The following CEP85 variants were observed in gnomAD, a reference collection of about 807,000 sequenced individuals.
CEP85 encodes centrosomal protein 85.
CEP85 carries 58 observed loss-of-function variants against 93.7 expected under a neutral mutation model. That is an observed-to-expected ratio of 0.62 (90% CI 0.50 to 0.77). The LOEUF (loss-of-function observed/expected upper bound fraction) is 0.77, where lower values mean the gene tolerates loss of function less well. Ranked by LOEUF, CEP85 falls within the 30% of genes least tolerant of loss-of-function variation. The pLI, the probability that CEP85 is intolerant of heterozygous loss-of-function variation, is 0.00. For missense variants in CEP85, 868 were observed against 922.0 expected, an observed-to-expected ratio of 0.94 and a Z score of 0.76; for synonymous variants, 314 against 338.6, an observed-to-expected ratio of 0.93 and a Z score of 0.80.
Position 26,275,559 on chromosome 1 carries a change from G to A in CEP85, c.1902+488G>A, listed in dbSNP as rs554103563. Among the ~76,000 whole-genome samples the A allele has an allele frequency of 1.5e-3, 229 of 152,308 alleles. 1 individual carries two copies. Among genetic ancestry groups the A allele is most frequent in the Middle Eastern group, 0.014 (4 of 294 alleles). On this transcript the variant is annotated intron_variant, in intron 12 of 13. Coordinates refer to ENST00000451429, the MANE Select transcript of CEP85 (RefSeq NM_001319944.2). Reference sequence around the variant, plus strand: ...CTCCCAAAGTGCTGGGATTACAGTCGTGAGCCACTGCGCTGGGCCCAGGAA... The same window carrying A: ...CTCCCAAAGTGCTGGGATTACAGTCATGAGCCACTGCGCTGGGCCCAGGAA...
In CEP85 at chr1:26,269,693, CTT is replaced by C. The variant is rs1290673129; in HGVS notation, c.1649+81_1649+82del. On this transcript the variant is annotated intron_variant, in intron 9 of 13. Transcript: ENST00000451429. ...CCATCCTGCTCACTTACCTGTGTGACTTTGGGTGATTTGGGAAAATCATTTTA... is the reference window on the plus strand; with the variant it reads ...CCATCCTGCTCACTTACCTGTGTGACTGGGTGATTTGGGAAAATCATTTTA... 2.6e-6 allele frequency: 3 copies of C among 1,142,558 alleles called. No individual in the cohort carries two copies. The African/African-American group carries it at 4.7e-5, about 18-fold the overall frequency. 70.8% of individuals were successfully genotyped at this position (1,142,558 alleles called of 1,614,324 possible).
intron 3 of CEP85, among the ~76,000 whole-genome samples, chr1:26,246,557 A>G (rs543736007): frequency 6.6e-6 from 1 of 152,114 alleles, no homozygotes; most frequent in South Asian, 2.1e-4. Flanking sequence ...AACACGGTGA[A>G]AGCCCATCTT....
At chr1:26,270,759 CAA>C (rs2089962388) in intron 9 of CEP85, among the ~76,000 whole-genome samples, 1 of 152,144 alleles carries the variant, frequency 6.6e-6, no homozygotes, top group Admixed American at 6.5e-5. Context: ...AATATCAAAA[CAA>C]AATACACAAG....
Position 26,255,307 on chromosome 1 carries a change from C to T in CEP85, c.345C>T (p.Ser115=), listed in dbSNP as rs144742656. 7.4e-6 allele frequency: 12 copies of T among 1,614,156 alleles called. No individual in the cohort carries two copies. The highest frequency in any genetic ancestry group is 2.2e-5 in the East Asian group (1 of 44,886). ...ATTCTACACCTGTTGGACCCTCTTC[C>T]TCTAAACTCCCTTTGTCAGGGTTGG... ...KPNSTPVGPS[S]SKLPLSGLAE... Residue 115 remains serine (S), a synonymous_variant, in exon 4 of 14, where the codon TCC becomes TCT. Transcript: ENST00000451429.
At chr1:26,253,461 C>T (rs1406940082) in intron 3 of CEP85, among the ~76,000 whole-genome samples, 3 of 149,824 alleles carry the variant, frequency 2.0e-5, no homozygotes, top group Non-Finnish European at 3.0e-5. Context: ...GCGATCCTGG[C>T]TCATTGCAAC....
rs552362676 is a variant in CEP85 at position 26,276,603 on chromosome 1, A to T, written c.1971A>T (p.Gln657His). Residue 657 changes from glutamine (Q) to histidine (H), a missense_variant, in exon 13 of 14, where the codon CAA (glutamine) becomes CAT (histidine). Physicochemically the swap from Gln to His is conservative, Grantham distance 24. Transcript: ENST00000451429. ...TCCAGGAACACCTGCGCCAGGCCCA[A>T]CCAGGGTCTCCACCTTCACCAGACA... The part of the protein sequence containing the change: ...LTLQEHLRQA[Q>H]PGSPPSPDTA... 8 of 1,614,098 alleles carry T rather than the reference A, an allele frequency of 5.0e-6. No individual in the cohort carries two copies. The highest frequency in any genetic ancestry group is 6.8e-6 in the Non-Finnish European group (8 of 1,180,030).
rs753258939 is a variant in CEP85 at position 26,244,273 on chromosome 1, A to T, written c.163A>T (p.Ser55Cys). The T allele has an allele frequency of 6.2e-7, 1 of 1,614,068 alleles. No individual in the cohort carries two copies. Among genetic ancestry groups the T allele is most frequent in the Non-Finnish European group, 8.5e-7 (1 of 1,180,004 alleles). Residue 55 changes from serine to cysteine, a missense_variant, in exon 3 of 14, where the codon AGT becomes TGT. Ser to Cys is a moderately radical substitution (Grantham distance 112, BLOSUM62 -1). Transcript: ENST00000451429. ...CAGCCGCTGTTCAAGTGTAGCCGAC[A>T]GTGGGGACACAGCCATTGGTACATC... is the stretch of plus-strand genomic sequence containing the variant. Reference protein sequence around the residue: ...RFSRCSSVADSGDTAIGTSCS... With the variant: ...RFSRCSSVADCGDTAIGTSCS...
At chr1:26,269,040 C>T (rs1256438494) in intron 8 of CEP85, among the ~76,000 whole-genome samples, 3 of 152,218 alleles carry the variant, frequency 2.0e-5, no homozygotes, top group South Asian at 2.1e-4. Context: ...CGGTCACCTG[C>T]TTTGACCTGA....
At chr1:26,261,480 TAAAA>T (rs922860630) in intron 7 of CEP85, among the ~76,000 whole-genome samples, 1 of 151,888 alleles carries the variant, frequency 6.6e-6, no homozygotes, top group Non-Finnish European at 1.5e-5. Context: ...CTCAAAAAAA[TAAAA>T]GAAAGTTGGG....
rs1298495653 is a variant in CEP85 at position 26,243,301 on chromosome 1, A to G, written c.56-865A>G. Among the ~76,000 whole-genome samples, 3 of 146,594 alleles carry G rather than the reference A, an allele frequency of 2.0e-5. No homozygotes were observed. The Admixed American group carries it at 2.1e-4, about 10-fold the overall frequency. ...CTATATGGTTATTTTCTGGTTTCACAGTGATGGTGGTCTTGGTTGAGGGTT... is the reference window on the plus strand; with the variant it reads ...CTATATGGTTATTTTCTGGTTTCACGGTGATGGTGGTCTTGGTTGAGGGTT... On this transcript the variant is annotated intron_variant, in intron 2 of 13. Transcript: ENST00000451429.
chr1:26,276,903 T>A, intron 13 of CEP85, 143 bp downstream of exon 13: 1 of 838,316 alleles, frequency 1.2e-6, no homozygotes, highest in Non-Finnish European at 1.9e-6. Flanking sequence ...TTTATTTGTT[T>A]CACAAAGTAG....
intron 6 of CEP85, among the ~76,000 whole-genome samples, chr1:26,258,772 T>G (rs570311548): frequency 5.9e-5 from 9 of 152,254 alleles, no homozygotes; most frequent in Admixed American, 3.3e-4. Context: ...AATTTTTATA[T>G]TTTTAGTAGA....
rs543504327 is a variant in CEP85 at position 26,258,929 on chromosome 1, TGAA to T, written c.1155+675_1155+677del. Among the ~76,000 whole-genome samples the T allele has an allele frequency of 1.1e-4, 16 of 152,202 alleles. 1 individual carries two copies. The South Asian group carries it at 3.3e-3, about 32-fold the overall frequency. The stretch of plus-strand genomic sequence containing the variant: ...TTTATCCTCCATATCTAGGAGCAGC[TGAA>T]GAAGATAATATTCTCACTGAGATCA... On this transcript the variant is annotated intron_variant, in intron 6 of 13. Transcript: ENST00000451429.
Position 26,255,276 on chromosome 1 carries a change from A to G in CEP85, c.314A>G (p.Lys105Arg). The change falls in exon 4 of 14, where the codon AAG becomes AGG. Residue 105 changes from lysine to arginine, a missense_variant. By Grantham distance (26) the Lys-to-Arg change is conservative. Transcript: ENST00000451429. ...MPSTLGTSPA[K>R]PNSTPVGPSS... ...TCTACTTTAGGGACCTCTCCTGCCA[A>G]GCCAAATTCTACACCTGTTGGACCC... 1 of 1,614,162 alleles carries G rather than the reference A, an allele frequency of 6.2e-7. No individual in the cohort carries two copies. The highest frequency in any genetic ancestry group is 8.5e-7 in the Non-Finnish European group (1 of 1,180,026).
chr1:26,264,801 A>G (rs2089867831), intron 7 of CEP85, among the ~76,000 whole-genome samples: 2 of 151,918 alleles, frequency 1.3e-5, no homozygotes, highest in African/African-American at 2.4e-5. Context: ...CCACAGTTCT[A>G]TACATAGTTT....
intron 13 of CEP85, 151 bp downstream of exon 13, chr1:26,276,911 T>A: frequency 1.2e-6 from 1 of 837,266 alleles, no homozygotes; most frequent in Non-Finnish European, 1.9e-6. Flanking sequence ...TTTCACAAAG[T>A]AGGTGTTCAC....
rs770922428 is a variant in CEP85 at position 26,259,716 on chromosome 1, T to G, written c.1255T>G (p.Ser419Ala). Reference protein sequence around the residue: ...KIDLEKKLSASEVEVQLIRES... With the variant: ...KIDLEKKLSAAEVEVQLIRES... ...TGACCTTGAAAAGAAACTCTCTGCT[T>G]CTGAAGTTGAAGTCCAGCTCATCAG... The change falls in exon 7 of 14, where the codon TCT becomes GCT. Residue 419 changes from serine to alanine, a missense_variant. Physicochemically the swap from Ser to Ala is moderately conservative, Grantham distance 99. Transcript: ENST00000451429. The G allele has an allele frequency of 1.1e-5, 17 of 1,613,972 alleles. No homozygotes were observed. Among genetic ancestry groups the G allele is most frequent in the Non-Finnish European group, 1.0e-5 (12 of 1,179,960 alleles).
At chr1:26,235,976 A>C (rs2089321269) in intron 1 of CEP85, among the ~76,000 whole-genome samples, 1 of 152,214 alleles carries the variant, frequency 6.6e-6, no homozygotes, top group South Asian at 2.1e-4. Flanking sequence ...ACCAAGGACA[A>C]AGTGAAGAAA....
At chr1:26,247,158 T>A (rs558946953) in intron 3 of CEP85, among the ~76,000 whole-genome samples, 7 of 152,320 alleles carry the variant, frequency 4.6e-5, no homozygotes, top group African/African-American at 1.7e-4. Context: ...AATAGGTGAA[T>A]GTACAGAAAC....
Sources: allele counts gnomAD v4.1 joint callset (sites outside exome capture counted in the v4.1 genomes callset), GRCh38; gene constraint gnomAD v4.1.1; transcripts MANE v1.5; gene names NCBI Gene and HGNC (gene_info 2026-07-23, HGNC 2026-07-21).